The following CLPTM1 variants were observed in gnomAD, a reference collection of about 807,000 sequenced individuals.
The protein encoded by CLPTM1 is putative lipid scramblase CLPTM1.
CLPTM1 carries 21 observed loss-of-function variants against 77.3 expected under a neutral mutation model. That is an observed-to-expected ratio of 0.27 (90% CI 0.19 to 0.39). CLPTM1 has a LOEUF of 0.39. Among genes scored for constraint, CLPTM1 ranks in the 10% least tolerant of loss-of-function variants. The pLI is 1.00. For missense variants in CLPTM1, 642 were observed against 921.2 expected (o/e 0.70, Z 3.92); for synonymous variants, 373 against 381.0 (o/e 0.98, Z 0.24).
At chr19:44,963,418 C>T (rs1190787251) in intron 2 of CLPTM1, among the ~76,000 whole-genome samples, 7 of 149,164 alleles carry the variant, frequency 4.7e-5, no homozygotes, top group East Asian at 2.0e-4. Context: ...CTCCGCCTCC[C>T]GGGTTCACGC....
rs1466678243 is a variant in CLPTM1 at position 44,991,877 on chromosome 19, C to G, written c.1556-356C>G. The stretch of plus-strand genomic sequence containing the variant: ...CCATGATTACGCCACTGCACTCCAG[C>G]CTGGGTGACAGAGTGAGACCCTGTC... On this transcript the variant is annotated intron_variant, in intron 12 of 13. Coordinates refer to ENST00000337392, the MANE Select transcript of CLPTM1 (RefSeq NM_001294.4). This position sits in a 1 kb window ranked among gnomAD's most constrained non-coding sequence, Gnocchi z 5.4. Among the ~76,000 whole-genome samples, 2 of 152,074 alleles carry G rather than the reference C, an allele frequency of 1.3e-5. No homozygotes were observed. The highest frequency in any genetic ancestry group is 2.9e-5 in the Non-Finnish European group (2 of 68,016).
rs932463797 is a variant in CLPTM1 at position 44,990,535 on chromosome 19, A to G, written c.1273A>G (p.Ile425Val). 1 of 1,613,862 alleles carries G rather than the reference A, an allele frequency of 6.2e-7. No homozygotes were observed. Residue 425 changes from isoleucine to valine, a missense_variant, in exon 10 of 14, where the codon ATT (isoleucine) becomes GTT (valine). Physicochemically the swap from Ile to Val is conservative, Grantham distance 29 (BLOSUM62 3). Transcript: ENST00000337392. This position sits in a 1 kb window ranked among gnomAD's most constrained non-coding sequence, Gnocchi z 4.8. ...CTTCGTGGTCCAGGTCAGCGTCTTCATTGGGGTCCTCATCGACCTCTGGAA... is the reference window on the plus strand; with the variant it reads ...CTTCGTGGTCCAGGTCAGCGTCTTCGTTGGGGTCCTCATCGACCTCTGGAA... ...TNFVVQVSVF[I>V]GVLIDLWKIT...
At chr19:44,957,836 C>T (rs1235603027) in intron 1 of CLPTM1, among the ~76,000 whole-genome samples, 5 of 152,182 alleles carry the variant, frequency 3.3e-5, no homozygotes, top group Non-Finnish European at 5.9e-5. Flanking sequence ...TCAGCGAATG[C>T]GAATTGAGTC....
At chr19:44,964,513 G>A (rs907573218) in intron 2 of CLPTM1, among the ~76,000 whole-genome samples, 6 of 139,748 alleles carry the variant, frequency 4.3e-5, no homozygotes, top group African/African-American at 1.5e-4. Context: ...GTTTTGCCGT[G>A]TTGGCCAGGC....
At chr19:44,984,814 G>A (rs1008074605) in intron 5 of CLPTM1, among the ~76,000 whole-genome samples, 4 of 152,140 alleles carry the variant, frequency 2.6e-5, no homozygotes, top group African/African-American at 9.7e-5. Flanking sequence ...AGCCTTCCGA[G>A]TAGCTGGGAT....
chr19:44,987,110 C>A (rs1970990539), intron 7 of CLPTM1, 69 bp from the exon 8 acceptor site: 2 of 1,553,980 alleles, frequency 1.3e-6, no homozygotes, highest in Non-Finnish European at 1.7e-6. Flanking sequence ...TCTCTCCAGA[C>A]ATCTGAGGCC....
At chr19:44,977,576 C>A in intron 5 of CLPTM1, 116 bp downstream of exon 5, 1 of 821,892 alleles carries the variant, frequency 1.2e-6, no homozygotes, top group Non-Finnish European at 2.0e-6. Flanking sequence ...GAAGCCTGTG[C>A]TCAAAGAGGG....
chr19:44,987,243 C>G lies in CLPTM1; in HGVS notation c.858C>G (p.Asn286Lys). 1 of 1,614,264 alleles carries G rather than the reference C, an allele frequency of 6.2e-7. No individual in the cohort carries two copies. Among genetic ancestry groups the G allele is most frequent in the Non-Finnish European group, 8.5e-7 (1 of 1,180,050 alleles). Residue 286 changes from asparagine (N) to lysine (K), a missense_variant, in exon 8 of 14, where the codon AAC becomes AAG. Around this residue, in one of 2 missense-constraint regions of CLPTM1, gnomAD observed 521 missense variants for 800.4 expected, o/e 0.65. Transcript: ENST00000337392. ...TCATCTACTTCAATGACTACTGGAA[C>G]CTGCAGAAGGACTACTACCCCATCA... ...YPIIYFNDYW[N>K]LQKDYYPINE...
At chr19:44,989,157 C>A (rs1041797098) in intron 9 of CLPTM1, among the ~76,000 whole-genome samples, 2 of 152,114 alleles carry the variant, frequency 1.3e-5, no homozygotes, top group African/African-American at 4.8e-5. Context: ...CAGAGTGACA[C>A]CCTGTTCCAA....
At position 44,964,298 on chromosome 19, in the gene CLPTM1, C is replaced by CTTTTTTTTTTTTT. The variant is rs35539206; in HGVS notation, c.185+2241_185+2253dup. 3.4e-4 allele frequency among the ~76,000 whole-genome samples: 23 copies of CTTTTTTTTTTTTT among 68,154 alleles called. 5 individuals carry two copies. The highest frequency in any genetic ancestry group is 1.4e-3 in the South Asian group (2 of 1,478). 44.7% of individuals were successfully genotyped at this position (68,154 alleles called of 152,430 possible). On this transcript the variant is annotated intron_variant, in intron 2 of 13. Transcript: ENST00000337392. ...TTTTAACCTATGTTTTCATTTTAAC[C>CTTTTTTTTTTTTT]TTTTTTTTTTTTTTTTTTTTTTTTT... is the stretch of plus-strand genomic sequence containing the variant.
At chr19:44,956,368 C>T (rs529154735) in intron 1 of CLPTM1, among the ~76,000 whole-genome samples, 14 of 152,324 alleles carry the variant, frequency 9.2e-5, no homozygotes, top group South Asian at 4.1e-4. Flanking sequence ...CCAGCCATAT[C>T]CCTGCTGTCA....
At chr19:44,975,305 A>G (rs546351105) in intron 4 of CLPTM1, among the ~76,000 whole-genome samples, 1 of 152,346 alleles carries the variant, frequency 6.6e-6, no homozygotes, top group South Asian at 2.1e-4. Flanking sequence ...CCTTGTGATA[A>G]TAAGGCTGGG....
At chr19:44,966,103 A>G (rs761175751) in intron 2 of CLPTM1, among the ~76,000 whole-genome samples, 2 of 152,162 alleles carry the variant, frequency 1.3e-5, no homozygotes, top group Non-Finnish European at 2.9e-5. Flanking sequence ...GAGTGAAAAG[A>G]AAAAGCTAAT....
chr19:44,985,345 G>T (rs376360891), intron 6 of CLPTM1, 42 bp downstream of exon 6: 6 of 1,364,424 alleles, frequency 4.4e-6, no homozygotes, highest in Non-Finnish European at 6.3e-6. Context: ...GACCAAGCCA[G>T]GCCATTCACA....
At position 44,991,463 on chromosome 19, in the gene CLPTM1, A is replaced by G. The variant is rs916534073; in HGVS notation, c.1555+90A>G. 4 of 1,509,248 alleles carry G rather than the reference A, an allele frequency of 2.7e-6. No homozygotes were observed. Among genetic ancestry groups the G allele is most frequent in the Non-Finnish European group, 3.6e-6 (4 of 1,110,052 alleles). The allele number at this position is 1,509,248 out of a possible 1,614,324, so 93.5% of individuals were successfully genotyped here. On this transcript the variant is annotated intron_variant, in intron 12 of 13. Transcript: ENST00000337392. The surrounding 1 kb of genome is among the most constrained non-coding windows in gnomAD (Gnocchi z 5.4). ...GTAGGAGACAGACCCATCCCCAGACAGGGACAACCTAGGGTGGGCAGAGCT... is the reference window on the plus strand; with the variant it reads ...GTAGGAGACAGACCCATCCCCAGACGGGGACAACCTAGGGTGGGCAGAGCT...
intron 1 of CLPTM1, among the ~76,000 whole-genome samples, chr19:44,957,651 G>A (rs906050185): frequency 3.3e-5 from 5 of 152,190 alleles, no homozygotes; most frequent in African/African-American, 9.7e-5. Flanking sequence ...GTGCAGATCC[G>A]AGAGCAGGAA....
chr19:44,990,526 A>T lies in CLPTM1; in HGVS notation c.1264A>T (p.Ser422Cys). 1 of 1,614,084 alleles carries T rather than the reference A, an allele frequency of 6.2e-7. No individual in the cohort carries two copies. The highest frequency in any genetic ancestry group is 8.5e-7 in the Non-Finnish European group (1 of 1,179,978). Residue 422 changes from serine (S) to cysteine (C), a missense_variant, in exon 10 of 14, where the codon AGC becomes TGC. Transcript: ENST00000337392. The surrounding 1 kb of genome is among the most constrained non-coding windows in gnomAD (Gnocchi z 4.8). The part of the protein sequence containing the change: ...DNETNFVVQV[S>C]VFIGVLIDLW... ...CGAGACCAACTTCGTGGTCCAGGTC[A>T]GCGTCTTCATTGGGGTCCTCATCGA... is the stretch of plus-strand genomic sequence containing the variant.
chr19:44,977,534 C>A, intron 5 of CLPTM1, 74 bp downstream of exon 5: 1 of 1,144,980 alleles, frequency 8.7e-7, no homozygotes, highest in Admixed American at 1.8e-5. Flanking sequence ...GCTAATGTGG[C>A]GGACAAATCC....
intron 8 of CLPTM1, 194 bp downstream of exon 8, chr19:44,987,617 G>T (rs925469262): frequency 1.4e-6 from 1 of 690,944 alleles, no homozygotes; most frequent in East Asian, 2.7e-5. Flanking sequence ...ATGACTGGGG[G>T]TCCTCTCCCC....
Sources: allele counts gnomAD v4.1 joint callset (sites outside exome capture counted in the v4.1 genomes callset), GRCh38; gene constraint gnomAD v4.1.1; regional missense constraint gnomAD v4.1.1; non-coding constraint Gnocchi (gnomAD v3.1); transcripts MANE v1.5; gene names NCBI Gene and HGNC (gene_info 2026-07-23, HGNC 2026-07-21).